Variants in PHF21A observed in about 807,000 individuals in gnomAD.
The protein encoded by PHF21A is PHD finger protein 21A.
PHF21A carries 11 observed loss-of-function variants against 82.5 expected under a neutral mutation model. The observed-to-expected ratio is 0.13, with a 90% CI of 0.08 to 0.22. The LOEUF (loss-of-function observed/expected upper bound fraction) is 0.22. PHF21A is among the 10% of genes least tolerant of loss of function. PHF21A has a pLI of 1.00. For synonymous variants in PHF21A, 297 were observed against 302.8 expected (o/e 0.98, Z 0.20); for missense variants, 579 against 837.8 (o/e 0.69, Z 3.81).
At chr11:46,116,894 G>A in intron 1 of PHF21A, 1 of 153,122 alleles carries the variant, frequency 6.5e-6, no homozygotes, top group East Asian at 1.9e-4. Flanking sequence ...TTGAACCTGG[G>A]AGGCAGAGGT....
At chr11:45,946,141 T>C (rs1437695395) in intron 14 of PHF21A, 138 bp from the exon 15 acceptor site, 2 of 1,599,814 alleles carry the variant, frequency 1.3e-6, no homozygotes, top group Non-Finnish European at 1.7e-6. Context: ...GAAGGTTAAT[T>C]CAACAGTCCC....
chr11:45,941,801 G>A (rs746069068), intron 15 of PHF21A, among the ~76,000 whole-genome samples: 89 of 152,270 alleles, frequency 5.8e-4, no homozygotes, highest in Non-Finnish European at 1.1e-3. Flanking sequence ...CGCTGAGGAC[G>A]TATGTTTTTA....
chr11:45,977,069 C>T (rs1002471823), intron 7 of PHF21A, among the ~76,000 whole-genome samples: 1 of 152,010 alleles, frequency 6.6e-6, no homozygotes, highest in Non-Finnish European at 1.5e-5. Context: ...TTACCATTCA[C>T]CATCCCAAAG....
chr11:46,023,742 G>C (rs2095679035), intron 6 of PHF21A, among the ~76,000 whole-genome samples: 1 of 152,212 alleles, frequency 6.6e-6, no homozygotes, highest in Non-Finnish European at 1.5e-5. Context: ...GATCGCCTGA[G>C]GTCAGGAGTT....
At chr11:46,094,636 A>G (rs191656309) in intron 1 of PHF21A, among the ~76,000 whole-genome samples, 150 of 152,270 alleles carry the variant, frequency 9.9e-4, no homozygotes, top group Middle Eastern at 3.4e-3. Context: ...TCATGCCTGC[A>G]CTCTGGGAGG....
intron 6 of PHF21A, among the ~76,000 whole-genome samples, chr11:46,006,206 T>C (rs1194528299): frequency 1.3e-5 from 2 of 152,232 alleles, no homozygotes; most frequent in African/African-American, 2.4e-5. Flanking sequence ...TTAAATGTTA[T>C]AAACTTCATG....
intron 6 of PHF21A, among the ~76,000 whole-genome samples, chr11:46,028,975 C>T (rs976494515): frequency 2.0e-5 from 3 of 152,116 alleles, no homozygotes; most frequent in Non-Finnish European, 4.4e-5. Context: ...ACTGTTAGAT[C>T]CTCTTTCATT....
At chr11:46,019,248 G>A (rs1175363982) in intron 6 of PHF21A, among the ~76,000 whole-genome samples, 2 of 152,088 alleles carry the variant, frequency 1.3e-5, no homozygotes, top group African/African-American at 2.4e-5. Context: ...AAAGAATGTC[G>A]CTTTTAATGG....
At chr11:45,959,039 G>C (rs570614603) in intron 10 of PHF21A, among the ~76,000 whole-genome samples, 7 of 152,258 alleles carry the variant, frequency 4.6e-5, no homozygotes, top group Non-Finnish European at 5.9e-5. Flanking sequence ...GAATCCAAGA[G>C]CATATTAAAA....
chr11:45,996,530 G>A (rs75080425), intron 6 of PHF21A, among the ~76,000 whole-genome samples: 1,547 of 152,232 alleles, frequency 0.01, 24 homozygotes, highest in African/African-American at 0.033. Flanking sequence ...AGAGAGAAAC[G>A]TATTCCATTA....
chr11:46,048,984 G>C (rs1332860858), intron 6 of PHF21A, among the ~76,000 whole-genome samples: 2 of 152,172 alleles, frequency 1.3e-5, no homozygotes, highest in East Asian at 3.9e-4. Context: ...CTAGACCACA[G>C]AAGGGAGACT....
chr11:46,009,937 C>T (rs897767816), intron 6 of PHF21A, among the ~76,000 whole-genome samples: 1 of 152,198 alleles, frequency 6.6e-6, no homozygotes, highest in African/African-American at 2.4e-5. Flanking sequence ...GGCCGTCAGT[C>T]ACTTTACAGT....
At chr11:45,966,653 C>T (rs1291043581) in intron 9 of PHF21A, among the ~76,000 whole-genome samples, 1 of 152,134 alleles carries the variant, frequency 6.6e-6, no homozygotes, top group Non-Finnish European at 1.5e-5. Flanking sequence ...TGGAGTCTCG[C>T]TCTGTTGCCA....
chr11:46,073,245 G>A (rs541872509), intron 6 of PHF21A, among the ~76,000 whole-genome samples: 153 of 151,544 alleles, frequency 1.0e-3, no homozygotes, highest in Non-Finnish European at 1.9e-3. Flanking sequence ...GGAGAATGGC[G>A]TGAACCCAGG....
intron 11 of PHF21A, among the ~76,000 whole-genome samples, chr11:45,953,160 T>C (rs1373123492): frequency 5.9e-5 from 9 of 152,226 alleles, no homozygotes; most frequent in Non-Finnish European, 1.5e-5. Flanking sequence ...CTAGATATCT[T>C]ATAAATGTTG....
chr11:46,103,305 TAAAGA>T (rs992741768), intron 1 of PHF21A, among the ~76,000 whole-genome samples: 9 of 152,274 alleles, frequency 5.9e-5, no homozygotes, highest in African/African-American at 2.2e-4. Flanking sequence ...AGAGCTAAAG[TAAAGA>T]AAACTTAATA....
chr11:46,040,693 C>T (rs769584132), intron 6 of PHF21A, among the ~76,000 whole-genome samples: 11 of 152,128 alleles, frequency 7.2e-5, no homozygotes, highest in Non-Finnish European at 1.2e-4. Flanking sequence ...AAGCAGCTTA[C>T]ATGAAACTGC....
intron 11 of PHF21A, among the ~76,000 whole-genome samples, chr11:45,952,385 A>G (rs1002661579): frequency 2.0e-5 from 3 of 152,116 alleles, no homozygotes; most frequent in African/African-American, 7.2e-5. Context: ...GGGACTACAG[A>G]CATGTGCTGC....
Position 46,116,279 on chromosome 11 carries a change from A to G in PHF21A, c.-237+4656T>C, listed in dbSNP as rs1215056265. ...ATAGAAAAACAAAAATGATATATCCATATATACCTAATACTAACACATACA... is the reference window on the plus strand; with the variant it reads ...ATAGAAAAACAAAAATGATATATCCGTATATACCTAATACTAACACATACA... On this transcript the variant is annotated intron_variant, in intron 1 of 18. Transcript: ENST00000676320. Among the ~76,000 whole-genome samples, 3 of 152,372 alleles carry G rather than the reference A, an allele frequency of 2.0e-5. No individual in the cohort carries two copies. The South Asian group carries it at 6.2e-4, about 32-fold the overall frequency.
Sources: allele counts gnomAD v4.1 joint callset (sites outside exome capture counted in the v4.1 genomes callset), GRCh38; gene constraint gnomAD v4.1.1; transcripts MANE v1.5; gene names NCBI Gene and HGNC (gene_info 2026-07-23, HGNC 2026-07-21).